MOXD1: variants seen among roughly 807,000 people sequenced by gnomAD.
MOXD1 encodes the protein monooxygenase DBH like 1, also known as DBH-like monooxygenase protein 1.
Under a neutral mutation model 66.6 loss-of-function variants are expected in MOXD1, and 62 were observed. The ratio of observed to expected loss-of-function variants is 0.93; its 90% CI spans 0.76 to 1.15. MOXD1 has a LOEUF of 1.15. Among genes scored for constraint, MOXD1 ranks in the 50% most tolerant of loss-of-function variants. The pLI is 0.00. For missense variants in MOXD1, 847 were observed against 754.6 expected (o/e 1.12, Z -1.44); for synonymous variants, 303 against 281.9 (o/e 1.07, Z -0.75).
At chr6:132,334,143 G>C (rs1775388734) in intron 4 of MOXD1, among the ~76,000 whole-genome samples, 1 of 152,186 alleles carries the variant, frequency 6.6e-6, no homozygotes, top group Admixed American at 6.5e-5. Context: ...GCAGCACAAA[G>C]AGTGCTTAAT....
intron 4 of MOXD1, among the ~76,000 whole-genome samples, chr6:132,361,308 C>T (rs1359299818): frequency 6.7e-6 from 1 of 148,572 alleles, no homozygotes; most frequent in African/African-American, 2.6e-5. Context: ...TTTTGCCTCT[C>T]CATTTTCACC....
intron 1 of MOXD1, among the ~76,000 whole-genome samples, chr6:132,379,292 AAC>A (rs1335257398): frequency 6.6e-6 from 1 of 152,194 alleles, no homozygotes; most frequent in Non-Finnish European, 1.5e-5. Flanking sequence ...TGAAGAAAAA[AAC>A]AGTTTATAAC....
intron 4 of MOXD1, among the ~76,000 whole-genome samples, chr6:132,353,012 CTTTAAG>C (rs1775834403): frequency 6.6e-6 from 1 of 152,130 alleles, no homozygotes; most frequent in African/African-American, 2.4e-5. Flanking sequence ...CACCCCTTTA[CTTTAAG>C]TTTATGTGAG....
chr6:132,341,682 A>G lies in MOXD1; in HGVS notation c.664-13088T>C, dbSNP rs192754687. Among the ~76,000 whole-genome samples the G allele has an allele frequency of 3.9e-3, 588 of 152,294 alleles. 3 individuals are homozygous for G. Among genetic ancestry groups the G allele is most frequent in the Middle Eastern group, 0.027 (8 of 294 alleles). On this transcript the variant is annotated intron_variant, in intron 4 of 11. Transcript: ENST00000367963. ...TAGAAATCCCTTCCCTTTATGCACT[A>G]TGTTCATTCTTACACTTACGATTTC...
chr6:132,357,478 T>C (rs1023855532), intron 4 of MOXD1, among the ~76,000 whole-genome samples: 2 of 152,084 alleles, frequency 1.3e-5, no homozygotes, highest in Non-Finnish European at 2.9e-5. Context: ...CTAAACTTTA[T>C]CTTAAAAGGA....
At chr6:132,395,444 A>G (rs1048156616) in intron 1 of MOXD1, among the ~76,000 whole-genome samples, 3 of 152,168 alleles carry the variant, frequency 2.0e-5, no homozygotes, top group Non-Finnish European at 4.4e-5. Flanking sequence ...ACAATAATAA[A>G]AAATAAGAGA....
intron 6 of MOXD1, among the ~76,000 whole-genome samples, chr6:132,325,596 A>G (rs80265449): frequency 6.6e-6 from 1 of 152,378 alleles, no homozygotes; most frequent in East Asian, 1.9e-4. Context: ...CTCAGCATCC[A>G]GAACTGTGAG....
chr6:132,392,276 A>C (rs746791505), intron 1 of MOXD1: 5 of 1,602,826 alleles, frequency 3.1e-6, no homozygotes, highest in Non-Finnish European at 3.4e-6. Flanking sequence ...CACAGGCCTC[A>C]GTTTTTGAGA....
At chr6:132,302,625 A>G (rs991449239) in intron 10 of MOXD1, among the ~76,000 whole-genome samples, 4 of 152,160 alleles carry the variant, frequency 2.6e-5, no homozygotes, top group Non-Finnish European at 5.9e-5. Context: ...TAAGGTATCA[A>G]TTCTCTCAAA....
intron 10 of MOXD1, among the ~76,000 whole-genome samples, chr6:132,299,889 C>A (rs201731900): frequency 4.8e-5 from 7 of 146,484 alleles, no homozygotes; most frequent in Middle Eastern, 6.9e-3. Flanking sequence ...TTTCTCTCTC[C>A]CTCTCTCTCT....
In MOXD1 at chr6:132,372,670, T is replaced by C; in HGVS notation, c.601A>G (p.Thr201Ala). Residue 201 changes from threonine (T) to alanine (A), a missense_variant, in exon 4 of 12, where the codon ACA becomes GCA. Physicochemically the swap from Thr to Ala is moderately conservative, Grantham distance 58. Transcript: ENST00000367963. ...NQDVPIPNKD[T>A]TYWCQMFKIP... The stretch of plus-strand genomic sequence containing the variant: ...TTAAACATTTGGCACCAATATGTTG[T>C]ATCTTTGTTTGGGATGGGGACCTGT... 1 of 1,614,008 alleles carries C rather than the reference T, an allele frequency of 6.2e-7. No homozygotes were observed. Among genetic ancestry groups the C allele is most frequent in the South Asian group, 1.1e-5 (1 of 91,076 alleles).
chr6:132,329,658 T>C (rs1336016654), intron 4 of MOXD1, among the ~76,000 whole-genome samples: 1 of 151,976 alleles, frequency 6.6e-6, no homozygotes, highest in African/African-American at 2.4e-5. Flanking sequence ...ATCAATGAAA[T>C]TCAAGAAGAA....
At position 132,297,683 on chromosome 6, in the gene MOXD1, C is replaced by A. The variant is rs1774439493; in HGVS notation, c.1677+104G>T. On this transcript the variant is annotated intron_variant, in intron 11 of 11. Transcript: ENST00000367963. ...AAAATTATCAGACATTAGAAGGCAA[C>A]TGGACCCCTGGATTTATGGATATTT... The A allele has an allele frequency of 5.9e-6, 8 of 1,357,450 alleles. No homozygotes were observed. The South Asian group carries it at 1.2e-4, about 21-fold the overall frequency. The allele number at this position is 1,357,450 out of a possible 1,614,324, so 84.1% of individuals were successfully genotyped here. A position where few individuals can be genotyped will look rare whatever the true frequency, so the allele number is the denominator to read the frequency against.
At chr6:132,317,298 T>A (rs1470016129) in intron 9 of MOXD1, among the ~76,000 whole-genome samples, 1 of 152,144 alleles carries the variant, frequency 6.6e-6, no homozygotes, top group Admixed American at 6.6e-5. Context: ...AAAAACATGA[T>A]GTTTTGCACT....
Position 132,401,350 on chromosome 6 carries a change from G to A in MOXD1, c.77C>T (p.Pro26Leu), listed in dbSNP as rs867547631. 4 of 1,569,680 alleles carry A rather than the reference G, an allele frequency of 2.5e-6. No individual in the cohort carries two copies. The African/African-American group carries it at 4.1e-5, about 16-fold the overall frequency. Residue 26 changes from proline to leucine, a missense_variant, in exon 1 of 12, where the codon CCG (proline) becomes CTG (leucine). Physicochemically the swap from Pro to Leu is moderately conservative, Grantham distance 98. Coordinates refer to ENST00000367963, the MANE Select transcript of MOXD1 (RefSeq NM_015529.4). ...TAAGGSGRTYPHRTLLDSEGK... is the reference protein window; with the variant it reads ...TAAGGSGRTYLHRTLLDSEGK... Reference sequence around the variant, plus strand: ...CTCCGAGTCCAGGAGGGTCCGGTGCGGATAGGTTCGGCCCGAGCCCCCCGC... The same window carrying A: ...CTCCGAGTCCAGGAGGGTCCGGTGCAGATAGGTTCGGCCCGAGCCCCCCGC...
At chr6:132,351,321 G>T (rs1343205280) in intron 4 of MOXD1, among the ~76,000 whole-genome samples, 2 of 151,978 alleles carry the variant, frequency 1.3e-5, no homozygotes, top group Non-Finnish European at 2.9e-5. Flanking sequence ...TTCCTTGTAT[G>T]CCGACTTTGC....
rs118073410 is a variant in MOXD1, at chr6:132,392,546, G to A, written c.264+8617C>T. ...CAAAAAGGGGCAAAGAACAAGGAAA[G>A]GACATGAATCCATCAGGGCAATGAG... On this transcript the variant is annotated intron_variant, in intron 1 of 11. Coordinates refer to ENST00000367963, the MANE Select transcript of MOXD1 (RefSeq NM_015529.4). Among the ~76,000 whole-genome samples, 563 of 152,274 alleles carry A rather than the reference G, an allele frequency of 3.7e-3. 1 individual carries two copies. The highest frequency in any genetic ancestry group is 5.8e-3 in the Non-Finnish European group (395 of 68,020).
chr6:132,332,456 T>C (rs1775341141), intron 4 of MOXD1, among the ~76,000 whole-genome samples: 1 of 152,136 alleles, frequency 6.6e-6, no homozygotes, highest in Admixed American at 6.5e-5. Flanking sequence ...AAACTGATAA[T>C]ATGGGAGAAA....
chr6:132,335,686 G>C (rs1775422073), intron 4 of MOXD1, among the ~76,000 whole-genome samples: 1 of 152,298 alleles, frequency 6.6e-6, no homozygotes, highest in East Asian at 1.9e-4. Flanking sequence ...AATTTCTGCT[G>C]TTTGAAGCTA....
Sources: allele counts gnomAD v4.1 joint callset (sites outside exome capture counted in the v4.1 genomes callset), GRCh38; gene constraint gnomAD v4.1.1; transcripts MANE v1.5; gene names NCBI Gene and HGNC (gene_info 2026-07-23, HGNC 2026-07-21).